Variants in GLIS1 observed in about 807,000 individuals in gnomAD.
GLIS1 encodes the protein GLIS family zinc finger 1, also known as zinc finger protein GLIS1.
Under a neutral mutation model 63.8 loss-of-function variants are expected in GLIS1, and 24 were observed. The ratio of observed to expected loss-of-function variants is 0.38; its 90% confidence interval spans 0.27 to 0.53. The LOEUF (loss-of-function observed/expected upper bound fraction) is 0.53, where lower values mean the gene tolerates loss of function less well. Ranked by LOEUF, GLIS1 falls within the 20% of genes least tolerant of loss-of-function variation. The pLI is 0.85. For synonymous variants in GLIS1, 450 were observed against 482.5 expected (o/e 0.93, Z 0.88); for missense variants, 1,036 against 1,074.1 (o/e 0.96, Z 0.50).
intron 2 of GLIS1, among the ~76,000 whole-genome samples, chr1:53,622,427 C>CA (rs60923620): frequency 0.037 from 4,886 of 131,048 alleles, 349 homozygotes; most frequent in East Asian, 0.25. Context: ...GACTATGTCT[C>CA]AAAAAAAAAA....
At chr1:53,601,831 G>C (rs1355097880) in intron 2 of GLIS1, among the ~76,000 whole-genome samples, 3 of 152,204 alleles carry the variant, frequency 2.0e-5, no homozygotes, top group Non-Finnish European at 4.4e-5. Context: ...CCACCCTCAA[G>C]GCAGTTCCTT....
chr1:53,613,916 C>T (rs974868133), intron 2 of GLIS1, among the ~76,000 whole-genome samples: 2 of 152,218 alleles, frequency 1.3e-5, no homozygotes, highest in Non-Finnish European at 2.9e-5. Context: ...TTTGCCTCAT[C>T]ACAAGTCATG....
chr1:53,726,579 T>C (rs1646807984), intron 2 of GLIS1, among the ~76,000 whole-genome samples: 1 of 151,648 alleles, frequency 6.6e-6, no homozygotes. Context: ...GAGGTGGGGG[T>C]GTGCCTCCAG....
chr1:53,691,490 A>G (rs892103868), intron 2 of GLIS1, among the ~76,000 whole-genome samples: 3 of 152,156 alleles, frequency 2.0e-5, no homozygotes, highest in Admixed American at 2.0e-4. Flanking sequence ...CCCCGGGCCC[A>G]GGATCCCAGA....
intron 2 of GLIS1, among the ~76,000 whole-genome samples, chr1:53,620,970 T>G (rs1444553781): frequency 6.6e-6 from 1 of 152,160 alleles, no homozygotes; most frequent in African/African-American, 2.4e-5. Flanking sequence ...GGCCAGTAGC[T>G]GCATGAGGAC....
rs928335794 is a variant in GLIS1 at position 53,520,545 on chromosome 1, G to A, written c.1726+89C>T. 12 of 1,383,824 alleles carry A rather than the reference G, an allele frequency of 8.7e-6. No homozygotes were observed. The South Asian group carries it at 1.1e-4, about 13-fold the overall frequency. 85.7% of individuals were successfully genotyped at this position (1,383,824 alleles called of 1,614,324 possible). Reference sequence around the variant, plus strand: ...TGCAACATGTCATGCCCATGTGGGCGGCCCACTGAGCATCACTTGTCCTTG... The same window carrying A: ...TGCAACATGTCATGCCCATGTGGGCAGCCCACTGAGCATCACTTGTCCTTG... On this transcript the variant is annotated intron_variant, in intron 7 of 10. Transcript: ENST00000628545.
intron 4 of GLIS1, among the ~76,000 whole-genome samples, chr1:53,569,897 A>G (rs1215486841): frequency 1.3e-5 from 2 of 152,168 alleles, no homozygotes; most frequent in Non-Finnish European, 2.9e-5. Context: ...TATATAATAC[A>G]TATATAGAGA....
intron 2 of GLIS1, among the ~76,000 whole-genome samples, chr1:53,668,341 T>C (rs1157427024): frequency 2.0e-5 from 3 of 152,214 alleles, no homozygotes; most frequent in Admixed American, 1.3e-4. Context: ...CCTGTATTTT[T>C]ACTCTACCTT....
chr1:53,577,489 A>T (rs934461901), intron 4 of GLIS1, among the ~76,000 whole-genome samples: 2 of 152,124 alleles, frequency 1.3e-5, no homozygotes, highest in African/African-American at 2.4e-5. Context: ...CAGTTTCCCC[A>T]TAGTAAGAAC....
chr1:53,626,286 C>T (rs1157210762), intron 2 of GLIS1, among the ~76,000 whole-genome samples: 1 of 152,176 alleles, frequency 6.6e-6, no homozygotes, highest in East Asian at 1.9e-4. Flanking sequence ...CCATAACTTC[C>T]CCAGGGGACA....
At chr1:53,695,002 C>T (rs538503810) in intron 2 of GLIS1, among the ~76,000 whole-genome samples, 2 of 152,288 alleles carry the variant, frequency 1.3e-5, no homozygotes, top group South Asian at 2.1e-4. Flanking sequence ...CTAGGGACCA[C>T]GGCCAGGCAG....
intron 4 of GLIS1, among the ~76,000 whole-genome samples, chr1:53,544,434 C>T (rs1644677667): frequency 6.6e-6 from 1 of 152,192 alleles, no homozygotes; most frequent in Non-Finnish European, 1.5e-5. Flanking sequence ...TGCATCCTGC[C>T]ACTCTCTTCC....
chr1:53,512,902 G>C (rs998748220), intron 8 of GLIS1, among the ~76,000 whole-genome samples: 1 of 152,016 alleles, frequency 6.6e-6, no homozygotes, highest in African/African-American at 2.4e-5. Flanking sequence ...ATGGGTGGGG[G>C]CGGGGACCAT....
chr1:53,642,606 T>C (rs929540217), intron 2 of GLIS1, among the ~76,000 whole-genome samples: 1 of 152,190 alleles, frequency 6.6e-6, no homozygotes, highest in African/African-American at 2.4e-5. Flanking sequence ...GCCTTCTGGG[T>C]ATCTCCTACA....
chr1:53,587,703 T>A (rs1294409526), intron 4 of GLIS1, among the ~76,000 whole-genome samples: 2 of 152,198 alleles, frequency 1.3e-5, no homozygotes, highest in Non-Finnish European at 2.9e-5. Flanking sequence ...AGAAAAATAG[T>A]TACATGCAAT....
chr1:53,597,222 A>G (rs544912767), intron 3 of GLIS1, among the ~76,000 whole-genome samples: 1 of 144,290 alleles, frequency 6.9e-6, no homozygotes, highest in East Asian at 2.0e-4. Flanking sequence ...CACTACAAAA[A>G]ATTAGCCGGG....
At chr1:53,544,028 G>A (rs994655531) in intron 4 of GLIS1, among the ~76,000 whole-genome samples, 5 of 152,286 alleles carry the variant, frequency 3.3e-5, no homozygotes, top group East Asian at 1.9e-4. Flanking sequence ...GTTCTGGGGC[G>A]CGCAGCCCAG....
At chr1:53,641,732 G>T (rs746225078) in intron 2 of GLIS1, among the ~76,000 whole-genome samples, 5 of 152,200 alleles carry the variant, frequency 3.3e-5, no homozygotes, top group African/African-American at 1.2e-4. Context: ...TGGTGGTGGA[G>T]GGTGGTTTCT....
chr1:53,555,983 G>A (rs548920740), intron 4 of GLIS1, among the ~76,000 whole-genome samples: 2 of 129,526 alleles, frequency 1.5e-5, no homozygotes, highest in East Asian at 4.7e-4. Context: ...TATACTGCAG[G>A]TGTGTGTGTG....
Sources: gnomAD v4.1 joint callset for allele counts (sites outside exome capture counted in the v4.1 genomes callset) on GRCh38, gnomAD v4.1.1 for gene constraint, MANE v1.5 for transcripts, NCBI Gene and HGNC (gene_info 2026-07-23, HGNC 2026-07-21) for gene names.